SLC5A5: variants seen among roughly 807,000 people sequenced by gnomAD.
The protein encoded by SLC5A5 is sodium/iodide cotransporter.
A neutral mutation model predicts 68.6 loss-of-function variants in SLC5A5; 56 were observed. The observed-to-expected ratio is 0.82, with a 90% CI of 0.66 to 1.02. The LOEUF (loss-of-function observed/expected upper bound fraction) is 1.02. Ranked by LOEUF, SLC5A5 falls within the 50% of genes least tolerant of loss-of-function variation. The pLI, the probability that SLC5A5 is intolerant of heterozygous loss-of-function variation, is 0.00. For synonymous variants in SLC5A5, 398 were observed against 373.0 expected, an observed-to-expected ratio of 1.07 and a Z score of -0.77; for missense variants, 807 against 859.8, an observed-to-expected ratio of 0.94 and a Z score of 0.77.
At chr19:17,885,844 C>G (rs905798848) in intron 12 of SLC5A5, among the ~76,000 whole-genome samples, 1 of 151,870 alleles carries the variant, frequency 6.6e-6, no homozygotes, top group Non-Finnish European at 1.5e-5. Context: ...AATATGTGAT[C>G]TTTTGTGTCT....
rs148887708 is a variant in SLC5A5 at position 17,877,816 on chromosome 19, G to A, written c.792G>A (p.Ala264=). ...TCTCCATGTATGGCGTGAACCAGGC[G>A]CAGGTGCAGCGCTACGTGGCTTGCC... ...VWLSMYGVNQ[A]QVQRYVACRT... is the part of the protein sequence containing the mutation. Residue 264 remains alanine (A), a synonymous_variant, in exon 6 of 15, where the codon GCG becomes GCA. Coordinates refer to ENST00000222248, the MANE Select transcript of SLC5A5 (RefSeq NM_000453.3). 50 of 1,614,086 alleles carry A rather than the reference G, an allele frequency of 3.1e-5. No individual in the cohort carries two copies. The highest frequency in any genetic ancestry group is 3.7e-5 in the Non-Finnish European group (44 of 1,180,038).
At chr19:17,878,713 C>A (rs568047331) in intron 7 of SLC5A5, among the ~76,000 whole-genome samples, 1 of 151,752 alleles carries the variant, frequency 6.6e-6, no homozygotes, top group African/African-American at 2.4e-5. Context: ...TGTTGGCTCA[C>A]GCCTGTAATC....
intron 10 of SLC5A5, among the ~76,000 whole-genome samples, chr19:17,882,492 T>C (rs1022306666): frequency 2.6e-5 from 4 of 150,954 alleles, no homozygotes; most frequent in African/African-American, 7.3e-5. Context: ...TGTGCCACCA[T>C]GCCTGGCTAA....
intron 7 of SLC5A5, among the ~76,000 whole-genome samples, chr19:17,879,629 G>A (rs2094315995): frequency 6.6e-6 from 1 of 152,190 alleles, no homozygotes; most frequent in Non-Finnish European, 1.5e-5. Flanking sequence ...TGACCATGGG[G>A]TTCAGAGTTA....
intron 4 of SLC5A5, among the ~76,000 whole-genome samples, chr19:17,875,714 T>G (rs137978422): frequency 0.022 from 3,396 of 151,134 alleles, 128 homozygotes; most frequent in African/African-American, 0.078. Flanking sequence ...AGAGTTCCAG[T>G]CTGCAGTGAG....
At chr19:17,879,705 C>A (rs2094316206) in intron 7 of SLC5A5, among the ~76,000 whole-genome samples, 1 of 152,180 alleles carries the variant, frequency 6.6e-6, no homozygotes, top group African/African-American at 2.4e-5. Context: ...GACTGCTGGA[C>A]TGTGTAACTT....
At chr19:17,879,781 G>GC (rs1256663737) in intron 7 of SLC5A5, among the ~76,000 whole-genome samples, 1 of 152,178 alleles carries the variant, frequency 6.6e-6, no homozygotes, top group Non-Finnish European at 1.5e-5. Context: ...ACGGGTCCCT[G>GC]CTTCACAGGG....
chr19:17,873,043 C>A (rs1285614280), intron 1 of SLC5A5, among the ~76,000 whole-genome samples: 1 of 152,180 alleles, frequency 6.6e-6, no homozygotes, highest in Non-Finnish European at 1.5e-5. Context: ...CTCCGGGGTT[C>A]GAAACCTGGC....
At chr19:17,889,425 G>GGAAGGAAGGAAGGAAA (rs1491548374) in intron 13 of SLC5A5, among the ~76,000 whole-genome samples, 2 of 139,578 alleles carry the variant, frequency 1.4e-5, no homozygotes, top group African/African-American at 5.1e-5. Context: ...AAGGAAGGAA[G>GGAAGGAAGGAAGGAAA]GAAGGAAGGA....
chr19:17,891,208 T>G (rs1194652209), intron 14 of SLC5A5, among the ~76,000 whole-genome samples: 1 of 152,168 alleles, frequency 6.6e-6, no homozygotes, highest in East Asian at 1.9e-4. Flanking sequence ...TATTCCTTTT[T>G]GTTTGTTTGT....
Position 17,877,878 on chromosome 19 carries a change from G to T in SLC5A5, c.839+15G>T. ...CAGGCCAAGCTGTGAGTGTTTCGGG[G>T]AGCAAGGTCGGGGTTTCTGGGACAT... On this transcript the variant is annotated intron_variant, in intron 6 of 14. Coordinates refer to ENST00000222248, the MANE Select transcript of SLC5A5 (RefSeq NM_000453.3). The T allele has an allele frequency of 6.2e-7, 1 of 1,614,142 alleles. No homozygotes were observed. Among genetic ancestry groups the T allele is most frequent in the Non-Finnish European group, 8.5e-7 (1 of 1,180,048 alleles).
chr19:17,872,926 C>A (rs1357024667), intron 1 of SLC5A5, among the ~76,000 whole-genome samples: 1 of 152,162 alleles, frequency 6.6e-6, no homozygotes, highest in Admixed American at 6.5e-5. Flanking sequence ...GCGCGCGGGG[C>A]GGGGCCCGGC....
Position 17,883,929 on chromosome 19 carries a change from A to G in SLC5A5, c.1409A>G (p.Glu470Gly), listed in dbSNP as rs1220591040. The G allele has an allele frequency of 4.5e-6, 7 of 1,564,224 alleles. No individual in the cohort carries two copies. Among genetic ancestry groups the G allele is most frequent in the Non-Finnish European group, 6.1e-6 (7 of 1,155,938 alleles). ...GGCGCCACGCTGTACCCACCCAGCGAGCAGACCATGAGGGTCCTGCCATCG... is the reference window on the plus strand; with the variant it reads ...GGCGCCACGCTGTACCCACCCAGCGGGCAGACCATGAGGGTCCTGCCATCG... Reference protein sequence around the residue: ...ALGATLYPPSEQTMRVLPSSA... With the variant: ...ALGATLYPPSGQTMRVLPSSA... Residue 470 changes from glutamate (E) to glycine (G), a missense_variant, in exon 12 of 15, where the codon GAG becomes GGG. By Grantham distance (98) the Glu-to-Gly change is moderately conservative. Transcript: ENST00000222248.
chr19:17,880,971 T>C lies in SLC5A5; in HGVS notation c.1058+18T>C, dbSNP rs765482364. ...ACCCTCAGGTGAGCACCCCTGCTTG[T>C]TCATGGAGCATTATTTCAGCCCCTG... On this transcript the variant is annotated intron_variant, in intron 8 of 14. Coordinates refer to ENST00000222248, the MANE Select transcript of SLC5A5 (RefSeq NM_000453.3). 8.4e-5 allele frequency: 134 copies of C among 1,591,010 alleles called. No individual in the cohort carries two copies. Among genetic ancestry groups the C allele is most frequent in the Admixed American group, 1.7e-4 (10 of 59,956 alleles).
At position 17,882,185 on chromosome 19, in the gene SLC5A5, C is replaced by A. The variant is rs755750461; in HGVS notation, c.1208C>A (p.Ala403Asp). 2.5e-6 allele frequency: 4 copies of A among 1,614,020 alleles called. No homozygotes were observed. The South Asian group carries it at 4.4e-5, about 18-fold the overall frequency. Residue 403 changes from alanine to aspartate, a missense_variant, in exon 10 of 15, where the codon GCC becomes GAC. Transcript: ENST00000222248. ...GGATCGGCCTGTCTCACCGTGGCAG[C>A]CCTGTCCTCACTGCTCGGAGGAGGT... The part of the protein sequence containing the change: ...IYGSACLTVA[A>D]LSSLLGGGVL...
rs1439247772 is a variant in SLC5A5 at position 17,876,047 on chromosome 19, G to T, written c.639G>T (p.Val213=). ...TCCTGGCACGCGGTGTCATGCTTGT[G>T]GGCGGGCCCCGCCAGGTGCTCACGC... ...WVVLARGVML[V]GGPRQVLTLA... is the part of the protein sequence containing the mutation. Residue 213 remains valine, a synonymous_variant, in exon 5 of 15, where the codon GTG becomes GTT. Coordinates refer to ENST00000222248, the MANE Select transcript of SLC5A5 (RefSeq NM_000453.3). 1 of 1,614,172 alleles carries T rather than the reference G, an allele frequency of 6.2e-7. No homozygotes were observed. Among genetic ancestry groups the T allele is most frequent in the South Asian group, 1.1e-5 (1 of 91,086 alleles).
At position 17,893,895 on chromosome 19, in the gene SLC5A5, G is replaced by T. The variant is rs2030303935; in HGVS notation, c.*18G>T. 6.4e-7 allele frequency: 1 copy of T among 1,553,260 alleles called. No individual in the cohort carries two copies. Among genetic ancestry groups the T allele is most frequent in the Admixed American group, 2.0e-5 (1 of 51,190 alleles). ...ACCTCTGAGGACAGGGCCAGCCGCG[G>T]GACTGACACCCTGGGATGGAACCTC... is the stretch of plus-strand genomic sequence containing the variant. On this transcript the variant is annotated 3_prime_UTR_variant, in exon 15 of 15. Coordinates refer to ENST00000222248, the MANE Select transcript of SLC5A5 (RefSeq NM_000453.3).
chr19:17,874,107 T>C, intron 1 of SLC5A5, 31 bp from the exon 2 acceptor site: 1 of 1,548,612 alleles, frequency 6.5e-7, no homozygotes, highest in Non-Finnish European at 8.9e-7. Context: ...GGGTAAGGAC[T>C]GTCCAGGTGA....
intron 13 of SLC5A5, among the ~76,000 whole-genome samples, chr19:17,889,062 T>C (rs1323228175): frequency 6.6e-6 from 1 of 151,700 alleles, no homozygotes; most frequent in African/African-American, 2.4e-5. Flanking sequence ...TGACTATATA[T>C]ATACATAAAA....
Sources: allele counts gnomAD v4.1 joint callset (sites outside exome capture counted in the v4.1 genomes callset), GRCh38; gene constraint gnomAD v4.1.1; transcripts MANE v1.5; gene names NCBI Gene and HGNC (gene_info 2026-07-23, HGNC 2026-07-21).